The following KLF15 variants were observed in gnomAD, a reference collection of about 807,000 sequenced individuals.
KLF15 encodes Krueppel-like factor 15.
A neutral mutation model predicts 24.6 loss-of-function variants in KLF15; 4 were observed. The ratio of observed to expected loss-of-function variants is 0.16; its 90% CI spans 0.08 to 0.37. KLF15 has a LOEUF of 0.37. Ranked by LOEUF, KLF15 falls within the 10% of genes least tolerant of loss-of-function variation. The pLI is 1.00. For synonymous variants in KLF15, 246 were observed against 236.3 expected (o/e 1.04, Z -0.37); for missense variants, 496 against 560.6 (o/e 0.88, Z 1.16).
At chr3:126,344,023 G>C in intron 2 of KLF15, 128 bp from the exon 3 acceptor site, 1 of 905,484 alleles carries the variant, frequency 1.1e-6, no homozygotes, top group Non-Finnish European at 1.6e-6. Flanking sequence ...CAGACCTGCA[G>C]CCTCTACAGG....
the KLF15 span, among the ~76,000 whole-genome samples, chr3:126,313,968 C>T: frequency 2.6e-5 from 4 of 152,246 alleles, no homozygotes; most frequent in Admixed American, 1.3e-4. Flanking sequence ...CAGCCAGGCT[C>T]ATACAGTTAT....
Position 126,352,675 on chromosome 3 carries a change from T to G in KLF15, c.248A>C (p.Gln83Pro), listed in dbSNP as rs781116174. 3.9e-5 allele frequency: 62 copies of G among 1,597,524 alleles called. No homozygotes were observed. The highest frequency in any genetic ancestry group is 5.1e-5 in the Non-Finnish European group (60 of 1,172,466). Reference protein sequence around the residue: ...QDSILDFLLSQATLGSGGGSG... With the variant: ...QDSILDFLLSPATLGSGGGSG... ...GCCCCCGCCACTGCCCAGCGTGGCCTGGGACAATAGGAAGTCCAAGATGCT... is the reference window on the plus strand; with the variant it reads ...GCCCCCGCCACTGCCCAGCGTGGCCGGGGACAATAGGAAGTCCAAGATGCT... Residue 83 changes from glutamine to proline, a missense_variant, in exon 2 of 3, where the codon CAG becomes CCG. This residue lies in a region of KLF15 where 399 missense variants were observed against 423.1 expected (regional missense o/e 0.94). Transcript: ENST00000296233.
Position 126,351,918 on chromosome 3 carries a change from G to A in KLF15, c.1005C>T (p.Ser335=). ...GGCGCAGGTGGGCCTTGAGGTGGCT[G>A]CTTTTGGTGTACATCTTGCTGCAGC... ...FPGCSKMYTK[S]SHLKAHLRRH... is the part of the protein sequence containing the mutation. The change falls in exon 2 of 3, where the codon AGC becomes AGT. Residue 335 remains serine, a synonymous_variant. Transcript: ENST00000296233. 1 of 1,614,054 alleles carries A rather than the reference G, an allele frequency of 6.2e-7. No individual in the cohort carries two copies. The highest frequency in any genetic ancestry group is 8.5e-7 in the Non-Finnish European group (1 of 1,179,974).
the KLF15 span, among the ~76,000 whole-genome samples, chr3:126,308,271 C>A: frequency 6.6e-6 from 1 of 152,210 alleles, no homozygotes; most frequent in African/African-American, 2.4e-5. Context: ...GCCTTGACCA[C>A]CCCCAAGGAG....
chr3:126,305,104 C>T, the KLF15 span, among the ~76,000 whole-genome samples: 18,956 of 152,198 alleles, frequency 0.12, 1,350 homozygotes, highest in Admixed American at 0.22. Context: ...GCTGGAGCCA[C>T]GTGTGATGGC....
Position 126,352,879 on chromosome 3 carries a change from G to A in KLF15, c.44C>T (p.Pro15Leu). 1.9e-6 allele frequency: 3 copies of A among 1,611,950 alleles called. No individual in the cohort carries two copies. The highest frequency in any genetic ancestry group is 2.5e-6 in the Non-Finnish European group (3 of 1,179,342). The change falls in exon 2 of 3, where the codon CCA becomes CTA. Residue 15 changes from proline to leucine, a missense_variant. Physicochemically the swap from Pro to Leu is moderately conservative, Grantham distance 98. Coordinates refer to ENST00000296233, the MANE Select transcript of KLF15 (RefSeq NM_014079.4). ...LLPVDENFSS[P>L]KCPVGYLGDR... The stretch of plus-strand genomic sequence containing the variant: ...ACCCAGATACCCAACTGGGCATTTT[G>A]GCGACGAGAAGTTCTCGTCCACTGG...
chr3:126,318,083 C>T, the KLF15 span, among the ~76,000 whole-genome samples: 1 of 152,110 alleles, frequency 6.6e-6, no homozygotes, highest in Non-Finnish European at 1.5e-5. Context: ...TCTTCCTGGA[C>T]GCCTCCACCC....
Position 126,352,996 on chromosome 3 carries a change from T to A in KLF15, c.-25-49A>T. ...CCTGGTCAGAAGGACAGTGCTCACC[T>A]GCCACCTCGCAGGCCTCTGACCCCA... On this transcript the variant is annotated intron_variant, in intron 1 of 2. Coordinates refer to ENST00000296233, the MANE Select transcript of KLF15 (RefSeq NM_014079.4). The A allele has an allele frequency of 4.6e-6, 7 of 1,521,246 alleles. No homozygotes were observed. The South Asian group carries it at 9.3e-5, about 20-fold the overall frequency. The allele number at this position is 1,521,246 out of a possible 1,614,324, so 94.2% of individuals were successfully genotyped here.
intron 2 of KLF15, among the ~76,000 whole-genome samples, chr3:126,349,554 A>G (rs1395501293): frequency 6.6e-6 from 1 of 152,182 alleles, no homozygotes; most frequent in Admixed American, 6.5e-5. Context: ...CTGTATAGAG[A>G]ACTAAGATCT....
At position 126,352,137 on chromosome 3, in the gene KLF15, G is replaced by A. The variant is rs151329833; in HGVS notation, c.786C>T (p.Leu262=). The change falls in exon 2 of 3, where the codon CTC becomes CTT. Residue 262 remains leucine, a synonymous_variant. Coordinates refer to ENST00000296233, the MANE Select transcript of KLF15 (RefSeq NM_014079.4). The part of the protein sequence containing the change: ...LVNIQGQTFA[L]VPQVVPSSNL... Reference sequence around the variant, plus strand: ...TGGAGGAGGGTACCACCTGGGGCACGAGTGCGAAGGTCTGCCCCTGGATGT... The same window carrying A: ...TGGAGGAGGGTACCACCTGGGGCACAAGTGCGAAGGTCTGCCCCTGGATGT... 1.5e-5 allele frequency: 24 copies of A among 1,566,698 alleles called. No individual in the cohort carries two copies. Among genetic ancestry groups the A allele is most frequent in the African/African-American group, 6.7e-5 (5 of 74,374 alleles).
At chr3:126,297,839 C>T in the KLF15 span, among the ~76,000 whole-genome samples, 250 of 152,230 alleles carry the variant, frequency 1.6e-3, 1 homozygote, top group African/African-American at 5.8e-3. Flanking sequence ...TTTCTTTATC[C>T]ACTCATTGGT....
At chr3:126,313,917 CG>C in the KLF15 span, among the ~76,000 whole-genome samples, 3 of 152,196 alleles carry the variant, frequency 2.0e-5, no homozygotes, top group South Asian at 6.2e-4. Flanking sequence ...ACTGCAAACC[CG>C]TCTACCATCT....
At chr3:126,299,237 T>TG in the KLF15 span, among the ~76,000 whole-genome samples, 45 of 152,118 alleles carry the variant, frequency 3.0e-4, no homozygotes, top group African/African-American at 9.7e-4. Context: ...TATGTATGTA[T>TG]TTGTTTATTT....
In KLF15 at chr3:126,356,964, C is replaced by G. The variant is rs1418210569; in HGVS notation, c.-26+273G>C. ...GAGGGCCGGCCCGCAAGGCGCGCCA[C>G]GGAATCGCCCGGCCAGGCACCGAGG... is the stretch of plus-strand genomic sequence containing the variant. On this transcript the variant is annotated intron_variant, in intron 1 of 2. Coordinates refer to ENST00000296233, the MANE Select transcript of KLF15 (RefSeq NM_014079.4). This position sits in a 1 kb window ranked among gnomAD's most constrained non-coding sequence, Gnocchi z 4.4. Among the ~76,000 whole-genome samples the G allele has an allele frequency of 6.6e-6, 1 of 151,822 alleles. No homozygotes were observed.
At chr3:126,333,904 G>A in the KLF15 span, among the ~76,000 whole-genome samples, 1 of 148,500 alleles carries the variant, frequency 6.7e-6, no homozygotes. Flanking sequence ...CAATACAGGA[G>A]CACCCAGATT....
the KLF15 span, among the ~76,000 whole-genome samples, chr3:126,295,265 A>G: frequency 9.8e-4 from 150 of 152,340 alleles, no homozygotes; most frequent in Non-Finnish European, 1.8e-3. Flanking sequence ...GCTCTTCTAC[A>G]GCCTACTGGT....
chr3:126,339,893 C>T (rs955752935), downstream of KLF15, among the ~76,000 whole-genome samples: 1 of 152,228 alleles, frequency 6.6e-6, no homozygotes, highest in Admixed American at 6.5e-5. Context: ...GCCTTGGTTT[C>T]CCAACCAAGG....
At chr3:126,316,331 T>C in the KLF15 span, among the ~76,000 whole-genome samples, 3 of 138,420 alleles carry the variant, frequency 2.2e-5, no homozygotes, top group African/African-American at 5.5e-5. Context: ...AGAGAGTCCA[T>C]AGTCCAGAGT....
the KLF15 span, among the ~76,000 whole-genome samples, chr3:126,298,095 A>G: frequency 6.6e-6 from 1 of 152,176 alleles, no homozygotes; most frequent in Non-Finnish European, 1.5e-5. Context: ...TTTTCACCAC[A>G]TCAATGCCAA....
Sources: gnomAD v4.1 joint callset for allele counts (sites outside exome capture counted in the v4.1 genomes callset) on GRCh38, gnomAD v4.1.1 for gene constraint, gnomAD v4.1.1 regional missense constraint, Gnocchi (gnomAD v3.1) non-coding constraint, MANE v1.5 for transcripts, NCBI Gene and HGNC (gene_info 2026-07-23, HGNC 2026-07-21) for gene names.